The following SCNN1A variants were observed in gnomAD, a reference collection of about 807,000 sequenced individuals.
SCNN1A encodes epithelial sodium channel subunit alpha.
In SCNN1A, 65 loss-of-function variants were observed where a neutral mutation model predicts 68.6. The observed-to-expected ratio is 0.95, with a 90% CI of 0.78 to 1.16. The LOEUF (loss-of-function observed/expected upper bound fraction) is 1.16. Ranked by LOEUF, SCNN1A falls within the 50% of genes most tolerant of loss-of-function variation. The pLI, the probability that SCNN1A is intolerant of heterozygous loss-of-function variation, is 0.00. For synonymous variants in SCNN1A, 357 were observed against 353.3 expected, an observed-to-expected ratio of 1.01 and a Z score of -0.12; for missense variants, 880 against 865.9, an observed-to-expected ratio of 1.02 and a Z score of -0.20.
chr12:6,373,073 A>G, intron 2 of SCNN1A, among the ~76,000 whole-genome samples: 1 of 152,172 alleles, frequency 6.6e-6, no homozygotes, highest in East Asian at 1.9e-4. Context: ...GCAGCTTCCT[A>G]AGGAAATGGT....
chr12:6,364,040 A>G (rs886478983), intron 2 of SCNN1A: 3 of 219,252 alleles, frequency 1.4e-5, no homozygotes, highest in African/African-American at 6.8e-5. Context: ...GCCCTTTCCC[A>G]AAGAGGGGAA....
chr12:6,353,506 T>C lies in SCNN1A; in HGVS notation c.1360+932A>G, dbSNP rs146146516. On this transcript the variant is annotated intron_variant, in intron 8 of 12. Coordinates refer to ENST00000228916, the MANE Select transcript of SCNN1A (RefSeq NM_001038.6). Reference sequence around the variant, plus strand: ...GCATGCACTGAAACCTTAGGAGCCATTGAGGAACCGCTGGAGGTTTTCTCA... The same window carrying C: ...GCATGCACTGAAACCTTAGGAGCCACTGAGGAACCGCTGGAGGTTTTCTCA... Among the ~76,000 whole-genome samples, 279 of 152,226 alleles carry C rather than the reference T, an allele frequency of 1.8e-3. 1 individual carries two copies. Among genetic ancestry groups the C allele is most frequent in the African/African-American group, 6.2e-3 (257 of 41,514 alleles).
intron 2 of SCNN1A, among the ~76,000 whole-genome samples, chr12:6,367,701 G>T (rs1389326065): frequency 1.3e-5 from 2 of 152,188 alleles, no homozygotes; most frequent in Admixed American, 1.3e-4. Flanking sequence ...GGGCACTCAA[G>T]ATTTGTTCAT....
Position 6,372,189 on chromosome 12 carries a change from A to T in SCNN1A, c.416+2179T>A, listed in dbSNP as rs541443198. Among the ~76,000 whole-genome samples the T allele has an allele frequency of 1.3e-5, 2 of 152,322 alleles. No homozygotes were observed. Among genetic ancestry groups the T allele is most frequent in the South Asian group, 4.2e-4 (2 of 4,816 alleles). On this transcript the variant is annotated intron_variant, in intron 2 of 12. Coordinates refer to ENST00000228916, the MANE Select transcript of SCNN1A (RefSeq NM_001038.6). This position sits in a 1 kb window ranked among gnomAD's most constrained non-coding sequence, Gnocchi z 5.8. ...ATAAATAATGTATGTTCCCTTGCTC[A>T]AATTATTTCCTCTTGCCAAGCCTTA...
Position 6,354,471 on chromosome 12 carries a change from C to T in SCNN1A, c.1327G>A (p.Glu443Lys). The T allele has an allele frequency of 6.2e-7, 1 of 1,613,324 alleles. No individual in the cohort carries two copies. Among genetic ancestry groups the T allele is most frequent in the Non-Finnish European group, 8.5e-7 (1 of 1,179,928 alleles). ...CTGTGCTTTCTGTAGTCACAGTACT[C>T]CACGTTCTGGGGCCGCGGATAGAAG... ...YIFYPRPQNV[E>K]YCDYRKHSSW... The change falls in exon 8 of 13, where the codon GAG (glutamate) becomes AAG (lysine). Residue 443 changes from glutamate to lysine, a missense_variant. Coordinates refer to ENST00000228916, the MANE Select transcript of SCNN1A (RefSeq NM_001038.6).
intron 4 of SCNN1A, among the ~76,000 whole-genome samples, chr12:6,356,581 A>G (rs373585617): frequency 1.5e-4 from 23 of 152,208 alleles, no homozygotes; most frequent in African/African-American, 5.3e-4. Flanking sequence ...TTGCATCAGT[A>G]TGTCTCAGAA....
At chr12:6,355,632 C>G in intron 5 of SCNN1A, 145 bp downstream of exon 5, 1 of 901,102 alleles carries the variant, frequency 1.1e-6, no homozygotes, top group South Asian at 1.3e-5. Context: ...GGATTCCTCT[C>G]ATGCCTGGAA....
Position 6,362,234 on chromosome 12 carries a change from TG to T in SCNN1A, c.691del (p.Gln231ArgfsTer18), listed in dbSNP as rs1565482024. ...DWKIGFQLCN[Q>X]NKSDCFYQTY... is the part of the protein sequence containing the mutation. The stretch of plus-strand genomic sequence containing the variant: ...CTGGTAGAAGCAGTCCGATTTGTTC[TG>T]GTTGCACTGGACACAGAGACTAGAG... On this transcript the variant is annotated frameshift_variant, in exon 4 of 13. Coordinates refer to ENST00000228916, the MANE Select transcript of SCNN1A (RefSeq NM_001038.6). LOFTEE classifies it high-confidence loss of function. The T allele has an allele frequency of 1.2e-6, 2 of 1,614,126 alleles. No homozygotes were observed. Among genetic ancestry groups the T allele is most frequent in the Non-Finnish European group, 1.7e-6 (2 of 1,179,942 alleles).
At chr12:6,354,641 A>T in intron 7 of SCNN1A, 86 bp from the exon 8 acceptor site, 1 of 1,409,800 alleles carries the variant, frequency 7.1e-7, no homozygotes, top group Non-Finnish European at 1.0e-6. Context: ...TCTTTCCACC[A>T]CCCCCCAGTT....
chr12:6,352,673 T>A (rs1010451167), intron 8 of SCNN1A, among the ~76,000 whole-genome samples: 1 of 152,342 alleles, frequency 6.6e-6, no homozygotes, highest in Admixed American at 6.5e-5. Flanking sequence ...AGACAGGAGA[T>A]GAGGCCAGAT....
Position 6,374,259 on chromosome 12 carries a change from C to T in SCNN1A, c.416+109G>A. 8.3e-7 allele frequency: 1 copy of T among 1,205,042 alleles called. No homozygotes were observed. Among genetic ancestry groups the T allele is most frequent in the African/African-American group, 1.5e-5 (1 of 66,372 alleles). 74.6% of individuals were successfully genotyped at this position (1,205,042 alleles called of 1,614,324 possible). A position where few individuals can be genotyped will look rare whatever the true frequency, so the allele number is the denominator to read the frequency against. ...TGAGCTCTACCTGGGACAGGGGTGTCAGTTCCCACCCTCAGGTCTGAGGCT... is the reference window on the plus strand; with the variant it reads ...TGAGCTCTACCTGGGACAGGGGTGTTAGTTCCCACCCTCAGGTCTGAGGCT... On this transcript the variant is annotated intron_variant, in intron 2 of 12. Transcript: ENST00000228916. This position sits in a 1 kb window ranked among gnomAD's most constrained non-coding sequence, Gnocchi z 6.2.
chr12:6,376,872 T>C (rs1411578597), upstream of SCNN1A, among the ~76,000 whole-genome samples: 3 of 152,208 alleles, frequency 2.0e-5, no homozygotes, highest in Non-Finnish European at 4.4e-5. Context: ...AGCCTGAGCA[T>C]TGATACACAC....
chr12:6,369,298 C>T lies in SCNN1A; in HGVS notation c.416+5070G>A, dbSNP rs547461750. ...GCCTCCCTCCTGCCACCCTACTCAC[C>T]TCCCTCCTGCCACCCTACGCACCTC... is the stretch of plus-strand genomic sequence containing the variant. On this transcript the variant is annotated intron_variant, in intron 2 of 12. Transcript: ENST00000228916. Among the ~76,000 whole-genome samples, 151 of 137,250 alleles carry T rather than the reference C, an allele frequency of 1.1e-3. 1 individual carries two copies. In the Middle Eastern group the frequency reaches 0.023, roughly 21 times the overall value. 90.0% of individuals were successfully genotyped at this position (137,250 alleles called of 152,430 possible).
intron 8 of SCNN1A, among the ~76,000 whole-genome samples, chr12:6,350,844 TAATA>T (rs138838604): frequency 0.15 from 23,022 of 150,742 alleles, 4,849 homozygotes; most frequent in African/African-American, 0.48. Context: ...TCAAAATAAA[TAATA>T]AATAAATAAA....
chr12:6,353,077 G>A (rs1948417280), intron 8 of SCNN1A, among the ~76,000 whole-genome samples: 1 of 152,114 alleles, frequency 6.6e-6, no homozygotes, highest in Non-Finnish European at 1.5e-5. Flanking sequence ...TTTTCTTTTT[G>A]TGATTTTCTT....
intron 2 of SCNN1A, among the ~76,000 whole-genome samples, chr12:6,371,026 C>G (rs1241319671): frequency 6.6e-6 from 1 of 152,218 alleles, no homozygotes; most frequent in Non-Finnish European, 1.5e-5. Flanking sequence ...CCCTTCCCTT[C>G]GGACTCAGCA....
chr12:6,355,984 G>A, intron 4 of SCNN1A, 104 bp from the exon 5 acceptor site: 1 of 829,444 alleles, frequency 1.2e-6, no homozygotes. Context: ...ACTCCTACAG[G>A]ACTTGTGCCT....
chr12:6,349,407 T>C lies in SCNN1A; in HGVS notation c.1361-2A>G, dbSNP rs1948331954. On this transcript the variant is annotated splice_acceptor_variant, in intron 8 of 12. Transcript: ENST00000228916. LOFTEE classifies it high-confidence loss of function. ...CCTGGAGCTTATAGTAGCAGTACCCTGTGGGTACAGAGAGATGCCTGTTCT... is the reference window on the plus strand; with the variant it reads ...CCTGGAGCTTATAGTAGCAGTACCCCGTGGGTACAGAGAGATGCCTGTTCT... 5 of 1,578,936 alleles carry C rather than the reference T, an allele frequency of 3.2e-6. No individual in the cohort carries two copies. Among genetic ancestry groups the C allele is most frequent in the African/African-American group, 1.4e-5 (1 of 74,066 alleles).
intron 4 of SCNN1A, among the ~76,000 whole-genome samples, chr12:6,359,916 G>A (rs1372121667): frequency 3.9e-5 from 6 of 151,926 alleles, no homozygotes; most frequent in Non-Finnish European, 8.8e-5. Flanking sequence ...GGCCACAGAT[G>A]TGTGCCACCA....
Sources: allele counts gnomAD v4.1 joint callset (sites outside exome capture counted in the v4.1 genomes callset), GRCh38; gene constraint gnomAD v4.1.1; non-coding constraint Gnocchi (gnomAD v3.1); transcripts MANE v1.5; gene names NCBI Gene and HGNC (gene_info 2026-07-23, HGNC 2026-07-21).